SYNE1: variants seen among roughly 807,000 people sequenced by gnomAD.
The protein encoded by SYNE1 is nesprin-1.
In SYNE1, 616 loss-of-function variants were observed where a neutral mutation model predicts 1,111.0. The observed-to-expected ratio is 0.55, with a 90% CI of 0.52 to 0.59. The LOEUF (loss-of-function observed/expected upper bound fraction) is 0.59, where lower values mean the gene tolerates loss of function less well. SYNE1 is among the 20% of genes least tolerant of loss of function. The pLI, the probability that SYNE1 is intolerant of heterozygous loss-of-function variation, is 0.00. For synonymous variants in SYNE1, 3,855 were observed against 3,825.8 expected (o/e 1.01, Z -0.28); for missense variants, 10,006 against 10,417.0 (o/e 0.96, Z 1.72).
chr6:152,217,289 G>A (rs1315173283), intron 121 of SYNE1, among the ~76,000 whole-genome samples: 3 of 149,672 alleles, frequency 2.0e-5, no homozygotes, highest in Admixed American at 6.7e-5. Flanking sequence ...CTAACTACTC[G>A]GGAGGCTGAG....
At chr6:152,192,531 G>C (rs1022228661) in intron 127 of SYNE1, among the ~76,000 whole-genome samples, 2 of 152,022 alleles carry the variant, frequency 1.3e-5, no homozygotes, top group African/African-American at 4.8e-5. Flanking sequence ...GAGTGCAGTG[G>C]TGTGATCTTG....
chr6:152,485,582 A>G (rs190831012), intron 12 of SYNE1, among the ~76,000 whole-genome samples: 25 of 152,338 alleles, frequency 1.6e-4, no homozygotes, highest in African/African-American at 4.8e-4. Flanking sequence ...GTTGACATCA[A>G]TGTATTATAT....
chr6:152,339,392 A>C, intron 74 of SYNE1, 26 bp from the exon 75 acceptor site: 1 of 1,612,262 alleles, frequency 6.2e-7, no homozygotes, highest in Non-Finnish European at 8.5e-7. Context: ...ATCAGAGTGA[A>C]AGAGATGCAT....
chr6:152,273,265 G>A (rs2093345267), intron 98 of SYNE1, among the ~76,000 whole-genome samples: 3 of 152,322 alleles, frequency 2.0e-5, no homozygotes, highest in Non-Finnish European at 4.4e-5. Flanking sequence ...AGCCCGCTAA[G>A]TCTCAAGCCT....
At position 152,344,217 on chromosome 6, in the gene SYNE1, C is replaced by T; in HGVS notation, c.12089G>A (p.Ser4030Asn). The change falls in exon 74 of 146, where the codon AGT (serine) becomes AAT (asparagine). Residue 4030 changes from serine to asparagine, a missense_variant. By Grantham distance (46) the Ser-to-Asn change is conservative. Around this residue, in one of 7 missense-constraint regions of SYNE1, gnomAD observed 4,955 missense variants for 5,017.2 expected, o/e 0.99. Transcript: ENST00000367255. ...GTGCTTCTGAAGTTCGTGTTCCAAACTCTGGTACATCTGAGACAATACAAT... is the reference window on the plus strand; with the variant it reads ...GTGCTTCTGAAGTTCGTGTTCCAAATTCTGGTACATCTGAGACAATACAAT... The part of the protein sequence containing the change: ...ICSTAQRMYQ[S>N]LEHELQKHVS... 1.2e-6 allele frequency: 2 copies of T among 1,614,186 alleles called. No individual in the cohort carries two copies. The highest frequency in any genetic ancestry group is 1.7e-6 in the Non-Finnish European group (2 of 1,180,038).
intron 29 of SYNE1, among the ~76,000 whole-genome samples, chr6:152,446,928 G>A (rs1304513187): frequency 6.6e-6 from 1 of 152,110 alleles, no homozygotes; most frequent in Non-Finnish European, 1.5e-5. Flanking sequence ...CAGCTATTGA[G>A]CATTTACTCT....
chr6:152,433,386 G>C (rs180794877), intron 34 of SYNE1: 2 of 194,726 alleles, frequency 1.0e-5, no homozygotes, highest in African/African-American at 4.7e-5. Flanking sequence ...CCTTGTGATT[G>C]GTGTGGGTAA....
chr6:152,208,074 CT>C lies in SYNE1; in HGVS notation c.22721del (p.Lys7574SerfsTer14), dbSNP rs2076850236. ...QWQRYREMAEKLRKWLVEVSY... is the reference protein window; with the variant it reads ...QWQRYREMAEXLRKWLVEVSY... ...ACACTTCAACCAACCATTTACGAAG[CT>C]TTTCTGCCATCTCCCTATAGCGCTG... is the stretch of plus-strand genomic sequence containing the variant. On this transcript the variant is annotated frameshift_variant, in exon 125 of 146. Transcript: ENST00000367255. LOFTEE classifies it high-confidence loss of function. The C allele has an allele frequency of 6.2e-7, 1 of 1,614,104 alleles. No individual in the cohort carries two copies.
chr6:152,294,471 G>T (rs1447838406), intron 93 of SYNE1, among the ~76,000 whole-genome samples: 1 of 152,134 alleles, frequency 6.6e-6, no homozygotes, highest in Admixed American at 6.5e-5. Context: ...CAAAAAAAGA[G>T]AATCTTAATG....
chr6:152,204,776 T>G (rs78822521), intron 126 of SYNE1, among the ~76,000 whole-genome samples: 1,600 of 152,254 alleles, frequency 0.011, 32 homozygotes, highest in African/African-American at 0.037. Flanking sequence ...CCTGCAAATA[T>G]CTATTAAAGT....
At chr6:152,208,249 T>G in intron 124 of SYNE1, 43 bp from the exon 125 acceptor site, 1 of 1,567,358 alleles carries the variant, frequency 6.4e-7, no homozygotes, top group Non-Finnish European at 8.8e-7. Flanking sequence ...ACTGTTATCT[T>G]GGATGCAGTT....
At chr6:152,496,085 C>T (rs2098997867) in intron 11 of SYNE1, among the ~76,000 whole-genome samples, 1 of 152,112 alleles carries the variant, frequency 6.6e-6, no homozygotes, top group Non-Finnish European at 1.5e-5. Context: ...ATGTGTCTAC[C>T]TGCTAATAGG....
At chr6:152,443,638 G>A (rs948538508) in intron 30 of SYNE1, among the ~76,000 whole-genome samples, 2 of 152,072 alleles carry the variant, frequency 1.3e-5, no homozygotes, top group African/African-American at 2.4e-5. Flanking sequence ...TACTTTTAAT[G>A]CAACTTCCGT....
At position 152,180,154 on chromosome 6, in the gene SYNE1, C is replaced by G. The variant is rs2067594454; in HGVS notation, c.23442G>C (p.Met7814Ile). The G allele has an allele frequency of 6.2e-7, 1 of 1,614,092 alleles. No homozygotes were observed. Among genetic ancestry groups the G allele is most frequent in the Non-Finnish European group, 8.5e-7 (1 of 1,179,998 alleles). Residue 7814 changes from methionine to isoleucine, a missense_variant, in exon 129 of 146, where the codon ATG becomes ATC. Around this residue, in one of 7 missense-constraint regions of SYNE1, gnomAD observed 2,182 missense variants for 2,287.8 expected, o/e 0.95. Transcript: ENST00000367255. ...TCCATACCTTCTTGAGCTTCTCTAT[C>G]ATTTCTTCAATGAGAATGTCTCCAT... Reference protein sequence around the residue: ...SQNGDILIEEMIEKLKKDYQE... With the variant: ...SQNGDILIEEIIEKLKKDYQE...
Position 152,627,490 on chromosome 6 carries a change from TA to T in SYNE1, c.67+774del, listed in dbSNP as rs5880989. The stretch of plus-strand genomic sequence containing the variant: ...CAACATGGTGAAACCATATCTCTAC[TA>T]AAAAAAAAAAAAAAAAATTAGCCGG... On this transcript the variant is annotated intron_variant, in intron 3 of 145. Coordinates refer to ENST00000367255, the MANE Select transcript of SYNE1 (RefSeq NM_182961.4). 1.2e-3 allele frequency among the ~76,000 whole-genome samples: 163 copies of T among 134,352 alleles called. 1 individual carries two copies. Among genetic ancestry groups the T allele is most frequent in the Middle Eastern group, 7.6e-3 (2 of 262 alleles). The allele number at this position is 134,352 out of a possible 152,430, so 88.1% of individuals were successfully genotyped here.
intron 121 of SYNE1, among the ~76,000 whole-genome samples, chr6:152,217,106 TTTTTTTTTA>T (rs2078918582): frequency 1.6e-5 from 2 of 127,540 alleles, no homozygotes; most frequent in South Asian, 5.4e-4. Flanking sequence ...TTTTTTTTTT[TTTTTTTTTA>T]AAAAAGTATT....
intron 113 of SYNE1, among the ~76,000 whole-genome samples, chr6:152,231,802 G>GTGTGTA (rs144601774): frequency 1.4e-3 from 216 of 149,622 alleles, no homozygotes; most frequent in South Asian, 4.6e-3. Context: ...GTGTGTGTGT[G>GTGTGTA]TATATATATA....
chr6:152,380,768 C>G (rs1246470513), intron 56 of SYNE1, among the ~76,000 whole-genome samples: 1 of 152,140 alleles, frequency 6.6e-6, no homozygotes, highest in Non-Finnish European at 1.5e-5. Flanking sequence ...AGTAAAATGT[C>G]TCCACTAACA....
intron 64 of SYNE1, among the ~76,000 whole-genome samples, chr6:152,361,393 G>A (rs1243953953): frequency 6.6e-6 from 1 of 152,206 alleles, no homozygotes; most frequent in African/African-American, 2.4e-5. Context: ...GATAACAATA[G>A]ATGGAGGCAA....
Sources: gnomAD v4.1 joint callset for allele counts (sites outside exome capture counted in the v4.1 genomes callset) on GRCh38, gnomAD v4.1.1 for gene constraint, gnomAD v4.1.1 regional missense constraint, MANE v1.5 for transcripts, NCBI Gene and HGNC (gene_info 2026-07-23, HGNC 2026-07-21) for gene names.